Variants in TUT4 observed in about 807,000 individuals in gnomAD.
TUT4 encodes terminal uridylyl transferase 4.
Under a neutral mutation model 192.2 loss-of-function variants are expected in TUT4, and 36 were observed. That is an observed-to-expected ratio of 0.19 (90% CI 0.14 to 0.25). The LOEUF (loss-of-function observed/expected upper bound fraction) is 0.25, where lower values mean the gene tolerates loss of function less well. Among genes scored for constraint, TUT4 ranks in the 10% least tolerant of loss-of-function variants. The pLI, the probability that TUT4 is intolerant of heterozygous loss-of-function variation, is 1.00. For synonymous variants in TUT4, 618 were observed against 666.0 expected (o/e 0.93, Z 1.11); for missense variants, 1,493 against 1,957.2 (o/e 0.76, Z 4.47).
intron 24 of TUT4, among the ~76,000 whole-genome samples, chr1:52,445,499 C>T (rs148200375): frequency 3.3e-5 from 5 of 152,186 alleles, no homozygotes; most frequent in African/African-American, 7.2e-5. Context: ...ACATCCAATG[C>T]GCCAGACACT....
intron 1 of TUT4, among the ~76,000 whole-genome samples, chr1:52,550,135 T>C (rs999518108): frequency 6.6e-6 from 1 of 152,084 alleles, no homozygotes; most frequent in South Asian, 2.1e-4. Flanking sequence ...GAAAGAAAAA[T>C]ACTCTGCAGA....
rs1024714997 is a variant in TUT4 at position 52,509,628 on chromosome 1, T to C, written c.967A>G (p.Ile323Val). ...IENIQGAHKH[I>V]KEKRHKKNIL... ...TTTTTCTTATGTCGTTTCTCCTTTA[T>C]ATGTTTATGAGCCCCCTGGATATTT... Residue 323 changes from isoleucine (I) to valine (V), a missense_variant, in exon 4 of 30, where the codon ATA becomes GTA. Around this residue, in one of 7 missense-constraint regions of TUT4, gnomAD observed 437 missense variants for 577.6 expected, o/e 0.76. Coordinates refer to ENST00000257177, the MANE Select transcript of TUT4 (RefSeq NM_001009881.3). 1 of 1,602,558 alleles carries C rather than the reference T, an allele frequency of 6.2e-7. No homozygotes were observed. Among genetic ancestry groups the C allele is most frequent in the Non-Finnish European group, 8.5e-7 (1 of 1,171,148 alleles).
At chr1:52,452,562 T>C (rs1050920837) in intron 20 of TUT4, among the ~76,000 whole-genome samples, 1 of 152,106 alleles carries the variant, frequency 6.6e-6, no homozygotes, top group African/African-American at 2.4e-5. Context: ...GCTTAATCAA[T>C]CTTGCATATG....
intron 29 of TUT4, chr1:52,424,231 G>A (rs1649032909): frequency 2.0e-6 from 1 of 500,314 alleles, no homozygotes; most frequent in Non-Finnish European, 3.6e-6. Context: ...GAATCAAAGG[G>A]AAAAAACCCA....
chr1:52,534,723 T>C (rs1449398353), intron 1 of TUT4, among the ~76,000 whole-genome samples: 1 of 148,540 alleles, frequency 6.7e-6, no homozygotes, highest in Admixed American at 6.7e-5. Flanking sequence ...ATCAGCCAAA[T>C]GTGGTGGCGC....
At chr1:52,483,204 GTA>G (rs927180102) in intron 9 of TUT4, among the ~76,000 whole-genome samples, 52 of 152,190 alleles carry the variant, frequency 3.4e-4, no homozygotes, top group African/African-American at 1.1e-3. Context: ...TGAAATTTGT[GTA>G]TGTTTACTAA....
intron 1 of TUT4, among the ~76,000 whole-genome samples, chr1:52,527,045 A>T (rs926193237): frequency 6.6e-6 from 1 of 152,046 alleles, no homozygotes; most frequent in African/African-American, 2.4e-5. Flanking sequence ...GGAGAATCCC[A>T]ATCTTTATGT....
At chr1:52,467,438 T>C (rs1664528774) in intron 15 of TUT4, among the ~76,000 whole-genome samples, 1 of 152,188 alleles carries the variant, frequency 6.6e-6, no homozygotes, top group African/African-American at 2.4e-5. Context: ...CTTTCTCTCA[T>C]GCCTCACATT....
intron 28 of TUT4, 59 bp downstream of exon 28, chr1:52,430,954 C>T (rs1651873685): frequency 1.3e-6 from 2 of 1,493,344 alleles, no homozygotes; most frequent in Non-Finnish European, 1.8e-6. Flanking sequence ...ATTGTTTCTA[C>T]AGACAGATAC....
chr1:52,541,051 C>T (rs568984393), intron 1 of TUT4, among the ~76,000 whole-genome samples: 34 of 151,744 alleles, frequency 2.2e-4, no homozygotes, highest in Admixed American at 6.6e-4. Context: ...ACTAAAAATA[C>T]AAAAATTAGC....
At position 52,446,251 on chromosome 1, in the gene TUT4, A is replaced by G; in HGVS notation, c.3691+14T>C. 1 of 1,592,722 alleles carries G rather than the reference A, an allele frequency of 6.3e-7. No individual in the cohort carries two copies. Among genetic ancestry groups the G allele is most frequent in the Non-Finnish European group, 8.5e-7 (1 of 1,173,424 alleles). Reference sequence around the variant, plus strand: ...TTTTGGTTGCTCCTGAATTAATATCAGCTTAAATGTTACCTTCAATTGCAA... The same window carrying G: ...TTTTGGTTGCTCCTGAATTAATATCGGCTTAAATGTTACCTTCAATTGCAA... On this transcript the variant is annotated intron_variant, in intron 22 of 29. Coordinates refer to ENST00000257177, the MANE Select transcript of TUT4 (RefSeq NM_001009881.3).
chr1:52,527,438 C>G (rs1352516139), intron 1 of TUT4, among the ~76,000 whole-genome samples: 1 of 151,792 alleles, frequency 6.6e-6, no homozygotes, highest in Admixed American at 6.6e-5. Flanking sequence ...CCCAGCTACT[C>G]GGGAGGCTGA....
intron 4 of TUT4, among the ~76,000 whole-genome samples, chr1:52,501,437 G>C (rs530650819): frequency 1.3e-5 from 2 of 151,670 alleles, no homozygotes; most frequent in East Asian, 3.9e-4. Flanking sequence ...TGCTATTATG[G>C]GGGGGCGGGG....
chr1:52,500,613 C>G (rs1390935891), intron 4 of TUT4, among the ~76,000 whole-genome samples: 1 of 152,044 alleles, frequency 6.6e-6, no homozygotes. Flanking sequence ...ATACAAAAAA[C>G]TAGCCGGGCA....
intron 27 of TUT4, chr1:52,433,611 GAA>G (rs1652807749): frequency 6.6e-6 from 1 of 152,196 alleles, no homozygotes; most frequent in Admixed American, 6.5e-5. Context: ...ACGGGTGAGA[GAA>G]AAGTGAGGAC....
intron 2 of TUT4, among the ~76,000 whole-genome samples, chr1:52,519,956 T>C (rs1571226182): frequency 6.6e-6 from 1 of 152,078 alleles, no homozygotes; most frequent in South Asian, 2.1e-4. Context: ...GAGGCGGTGG[T>C]TGAAGTGAGC....
chr1:52,553,128 GGAGGGAGAGGGA>G (rs1251230713), upstream of TUT4: 1 of 153,578 alleles, frequency 6.5e-6, no homozygotes, highest in African/African-American at 2.4e-5. Flanking sequence ...AGGGGGAGGA[GGAGGGAGAGGGA>G]GAGGGAGAGA....
rs1357342507 is a variant in TUT4 at position 52,468,174 on chromosome 1, G to A, written c.2965+7C>T. On this transcript the variant is annotated splice_region_variant and intron_variant, in intron 15 of 29. Coordinates refer to ENST00000257177, the MANE Select transcript of TUT4 (RefSeq NM_001009881.3). ...AAACGCAATAAATTTTTTAACCTAT[G>A]ACATACCATCATATTCTTTTTGAAT... 2 of 1,597,196 alleles carry A rather than the reference G, an allele frequency of 1.3e-6. No individual in the cohort carries two copies. Among genetic ancestry groups the A allele is most frequent in the South Asian group, 1.1e-5 (1 of 87,870 alleles).
intron 1 of TUT4, among the ~76,000 whole-genome samples, chr1:52,526,893 C>T (rs1325154217): frequency 6.6e-6 from 1 of 151,962 alleles, no homozygotes; most frequent in Admixed American, 6.6e-5. Context: ...GGCATGGTGG[C>T]GTGCGCCTGT....
Sources: allele counts gnomAD v4.1 joint callset (sites outside exome capture counted in the v4.1 genomes callset), GRCh38; gene constraint gnomAD v4.1.1; regional missense constraint gnomAD v4.1.1; transcripts MANE v1.5; gene names NCBI Gene and HGNC (gene_info 2026-07-23, HGNC 2026-07-21).